Variants in PODXL2 observed in about 807,000 individuals in gnomAD.
The protein encoded by PODXL2 is podocalyxin like 2.
A neutral mutation model predicts 53.4 loss-of-function variants in PODXL2; 17 were observed. The ratio of observed to expected loss-of-function variants is 0.32; its 90% CI spans 0.22 to 0.48. The LOEUF (loss-of-function observed/expected upper bound fraction) is 0.48. Ranked by LOEUF, PODXL2 falls within the 20% of genes least tolerant of loss-of-function variation. The pLI, the probability that PODXL2 is intolerant of heterozygous loss-of-function variation, is 0.99. For missense variants in PODXL2, 673 were observed against 760.0 expected, an observed-to-expected ratio of 0.89 and a Z score of 1.35; for synonymous variants, 311 against 306.7, an observed-to-expected ratio of 1.01 and a Z score of -0.15.
intron 2 of PODXL2, among the ~76,000 whole-genome samples, chr3:127,651,408 A>G (rs1213070678): frequency 6.6e-6 from 1 of 152,278 alleles, no homozygotes; most frequent in Non-Finnish European, 1.5e-5. Context: ...GAGACTATGT[A>G]CATTGTTTCC....
In PODXL2 at chr3:127,639,232, T is replaced by A; in HGVS notation, c.71-13T>A. ...TAGCCTCCCCTGACTGTCTGGCTTT[T>A]ATGTCTGCACAGGAGCGTTCCTGGG... is the stretch of plus-strand genomic sequence containing the variant. On this transcript the variant is annotated splice_polypyrimidine_tract_variant and intron_variant, in intron 1 of 7. Coordinates refer to ENST00000342480, the MANE Select transcript of PODXL2 (RefSeq NM_015720.4). 6.4e-7 allele frequency: 1 copy of A among 1,574,350 alleles called. No homozygotes were observed. The highest frequency in any genetic ancestry group is 8.6e-7 in the Non-Finnish European group (1 of 1,162,584).
At position 127,672,802 on chromosome 3, in the gene PODXL2, G is replaced by T; in HGVS notation, c.*322G>T. 3.1e-6 allele frequency: 1 copy of T among 324,998 alleles called. No individual in the cohort carries two copies. Among genetic ancestry groups the T allele is most frequent in the Non-Finnish European group, 5.3e-6 (1 of 188,042 alleles). The allele number at this position is 324,998 out of a possible 1,614,324, so 20.1% of individuals were successfully genotyped here. On this transcript the variant is annotated 3_prime_UTR_variant, in exon 8 of 8. Coordinates refer to ENST00000342480, the MANE Select transcript of PODXL2 (RefSeq NM_015720.4). ...GCCCGGAGACCACGCCGGGCCCAGC[G>T]CGTCTGCCTTCTTGACTCATTCTTA...
At chr3:127,657,368 T>C (rs1051492083) in intron 2 of PODXL2, among the ~76,000 whole-genome samples, 1 of 152,220 alleles carries the variant, frequency 6.6e-6, no homozygotes, top group Non-Finnish European at 1.5e-5. Flanking sequence ...CTGCATTGAA[T>C]CCATCAGCTA....
intron 2 of PODXL2, among the ~76,000 whole-genome samples, chr3:127,645,104 A>G (rs371878963): frequency 2.0e-5 from 3 of 152,320 alleles, no homozygotes; most frequent in South Asian, 4.1e-4. Flanking sequence ...ATGGCAGAAA[A>G]TGCTCTTGAT....
chr3:127,632,319 CGA>C (rs1559871633), intron 1 of PODXL2, among the ~76,000 whole-genome samples: 1 of 152,152 alleles, frequency 6.6e-6, no homozygotes, highest in East Asian at 1.9e-4. Context: ...AGTTCAGCTC[CGA>C]GAGAGAGTGC....
At chr3:127,670,352 G>A (rs1013303577) in intron 6 of PODXL2, among the ~76,000 whole-genome samples, 5 of 152,228 alleles carry the variant, frequency 3.3e-5, no homozygotes, top group African/African-American at 1.2e-4. Flanking sequence ...ACTGCCTGGA[G>A]GGCCACTGAG....
chr3:127,669,846 C>G (rs1172485945), intron 6 of PODXL2, among the ~76,000 whole-genome samples: 1 of 152,174 alleles, frequency 6.6e-6, no homozygotes, highest in South Asian at 2.1e-4. Flanking sequence ...GCAGGGTCCC[C>G]CAGTCCTGCT....
At chr3:127,656,988 C>T (rs1483825522) in intron 2 of PODXL2, among the ~76,000 whole-genome samples, 1 of 152,050 alleles carries the variant, frequency 6.6e-6, no homozygotes, top group Non-Finnish European at 1.5e-5. Context: ...CTGCAGTGAG[C>T]CGTGATTGCA....
In PODXL2 at chr3:127,629,255, G is replaced by A. The variant is rs1350298411; in HGVS notation, c.36G>A (p.Pro12=). 9.9e-7 allele frequency: 1 copy of A among 1,009,888 alleles called. No individual in the cohort carries two copies. Among genetic ancestry groups the A allele is most frequent in the South Asian group, 4.5e-5 (1 of 22,308 alleles). The allele number at this position is 1,009,888 out of a possible 1,614,324, so 62.6% of individuals were successfully genotyped here. Residue 12 remains proline, a synonymous_variant, in exon 1 of 8, where the codon CCG becomes CCA. Coordinates refer to ENST00000342480, the MANE Select transcript of PODXL2 (RefSeq NM_015720.4). The surrounding 1 kb of genome is among the most constrained non-coding windows in gnomAD (Gnocchi z 6.4). ...TGCTGCGGGCCGCCCGGCTGCCGCC[G>A]CTGCTTTCGCCGCTGCTGCTTCTGC... ...GRLLRAARLP[P]LLSPLLLLLV... is the part of the protein sequence containing the mutation.
At chr3:127,668,894 C>T (rs1478818038) in intron 5 of PODXL2, among the ~76,000 whole-genome samples, 1 of 152,104 alleles carries the variant, frequency 6.6e-6, no homozygotes, top group African/African-American at 2.4e-5. Context: ...GGGGTGTGTT[C>T]AGAAGGCAGT....
At chr3:127,658,876 T>G (rs546398303) in intron 2 of PODXL2, among the ~76,000 whole-genome samples, 1 of 152,294 alleles carries the variant, frequency 6.6e-6, no homozygotes, top group South Asian at 2.1e-4. Flanking sequence ...GTTGGTTCTA[T>G]CTTTCCAGAA....
At chr3:127,649,346 C>T (rs888919593) in intron 2 of PODXL2, among the ~76,000 whole-genome samples, 1 of 152,224 alleles carries the variant, frequency 6.6e-6, no homozygotes, top group Non-Finnish European at 1.5e-5. Context: ...ATGGACTGTG[C>T]CATGATGGGG....
rs73201102 is a variant in PODXL2 at position 127,671,514 on chromosome 3, C to T, written c.1506C>T (p.Phe502=). The T allele has an allele frequency of 3.8e-3, 6,086 of 1,614,170 alleles. 19 individuals carry two copies. The highest frequency in any genetic ancestry group is 4.5e-3 in the Non-Finnish European group (5,315 of 1,180,014). Reference sequence around the variant, plus strand: ...TGCGCAGCGACTACGGCACGCTCTTCGTGGTGCTGGTGGTCATTGGGGCCA... The same window carrying T: ...TGCGCAGCGACTACGGCACGCTCTTTGTGGTGCTGGTGGTCATTGGGGCCA... ...SQVRSDYGTL[F]VVLVVIGAIC... Residue 502 remains phenylalanine (F), a synonymous_variant, in exon 7 of 8, where the codon TTC becomes TTT. Coordinates refer to ENST00000342480, the MANE Select transcript of PODXL2 (RefSeq NM_015720.4).
intron 4 of PODXL2, among the ~76,000 whole-genome samples, chr3:127,665,473 C>T (rs558411079): frequency 5.9e-5 from 9 of 152,172 alleles, no homozygotes; most frequent in Non-Finnish European, 1.3e-4. Flanking sequence ...CTAGATGTCA[C>T]AGGTAACATA....
At chr3:127,668,750 C>G (rs1267897062) in intron 5 of PODXL2, among the ~76,000 whole-genome samples, 153 bp downstream of exon 5, 3 of 152,162 alleles carry the variant, frequency 2.0e-5, no homozygotes, top group Admixed American at 2.0e-4. Flanking sequence ...TCAAGGTGTA[C>G]CCACCAGCTT....
rs764840952 is a variant in PODXL2 at position 127,661,026 on chromosome 3, C to T, written c.998C>T (p.Ser333Phe). 3.1e-6 allele frequency: 5 copies of T among 1,614,236 alleles called. No homozygotes were observed. Among genetic ancestry groups the T allele is most frequent in the Non-Finnish European group, 4.2e-6 (5 of 1,180,034 alleles). The change falls in exon 3 of 8, where the codon TCT (serine) becomes TTT (phenylalanine). Residue 333 changes from serine (S) to phenylalanine (F), a missense_variant. This residue lies in a region of PODXL2 where 588 missense variants were observed against 668.3 expected (regional missense o/e 0.88). Transcript: ENST00000342480. The part of the protein sequence containing the change: ...EDPLGSRTSA[S>F]SPLAPGDMEL... ...CCCCTTGGCTCTAGAACCTCAGCCT[C>T]TTCCCCACTGGCCCCTGGAGACATG...
Position 127,661,169 on chromosome 3 carries a change from G to C in PODXL2, c.1131+10G>C, listed in dbSNP as rs2074765478. On this transcript the variant is annotated intron_variant, in intron 3 of 7. Transcript: ENST00000342480. ...CTGGGATTCTACGCAGGTAAAGTGA[G>C]GGGCATGCGGGCCACCACCCTGTAC... 1.2e-6 allele frequency: 2 copies of C among 1,600,066 alleles called. No homozygotes were observed. Among genetic ancestry groups the C allele is most frequent in the Non-Finnish European group, 1.7e-6 (2 of 1,168,450 alleles).
At chr3:127,659,234 TC>T (rs1393165814) in intron 2 of PODXL2, among the ~76,000 whole-genome samples, 2 of 152,334 alleles carry the variant, frequency 1.3e-5, no homozygotes, top group South Asian at 2.1e-4. Context: ...TTGTGCCTCT[TC>T]CTAACTCTGG....
At chr3:127,646,026 G>A (rs1258002969) in intron 2 of PODXL2, among the ~76,000 whole-genome samples, 1 of 152,198 alleles carries the variant, frequency 6.6e-6, no homozygotes. Flanking sequence ...AGCAGTAGCA[G>A]GGACTGCTGA....
Sources: allele counts gnomAD v4.1 joint callset (sites outside exome capture counted in the v4.1 genomes callset), GRCh38; gene constraint gnomAD v4.1.1; regional missense constraint gnomAD v4.1.1; non-coding constraint Gnocchi (gnomAD v3.1); transcripts MANE v1.5; gene names NCBI Gene and HGNC (gene_info 2026-07-23, HGNC 2026-07-21).